Variants in ITPR1 observed in about 807,000 individuals in gnomAD.
ITPR1 encodes inositol 1,4,5-trisphosphate receptor type 1, also known as inositol 1,4,5-trisphosphate-gated calcium channel ITPR1.
A neutral mutation model predicts 318.4 loss-of-function variants in ITPR1; 96 were observed. The ratio of observed to expected loss-of-function variants is 0.30; its 90% CI spans 0.26 to 0.36. The LOEUF (loss-of-function observed/expected upper bound fraction) is 0.36. ITPR1 is among the 10% of genes least tolerant of loss of function. ITPR1 has a pLI of 1.00. For synonymous variants in ITPR1, 1,312 were observed against 1,289.9 expected (o/e 1.02, Z -0.37); for missense variants, 2,440 against 3,460.2 (o/e 0.71, Z 7.40).
chr3:4,757,353 A>C (rs2125357049), intron 44 of ITPR1, among the ~76,000 whole-genome samples: 1 of 152,318 alleles, frequency 6.6e-6, no homozygotes, highest in South Asian at 2.1e-4. Flanking sequence ...AACCCATATT[A>C]ACAAATGTAT....
At chr3:4,505,766 T>G (rs1376489568) in intron 2 of ITPR1, among the ~76,000 whole-genome samples, 1 of 152,212 alleles carries the variant, frequency 6.6e-6, no homozygotes, top group Non-Finnish European at 1.5e-5. Flanking sequence ...TGGCATTCAC[T>G]CCTCACCTGG....
At chr3:4,742,113 G>T (rs553394824) in intron 44 of ITPR1, among the ~76,000 whole-genome samples, 25 of 152,144 alleles carry the variant, frequency 1.6e-4, no homozygotes, top group Non-Finnish European at 3.1e-4. Context: ...TTGAGAAATG[G>T]TGGCGTAAAG....
intron 2 of ITPR1, among the ~76,000 whole-genome samples, chr3:4,500,871 T>C (rs2080968830): frequency 6.6e-6 from 1 of 152,160 alleles, no homozygotes; most frequent in African/African-American, 2.4e-5. Flanking sequence ...TTTTAGTTTT[T>C]GAAACAGGGT....
At chr3:4,696,203 A>G (rs2094555282) in intron 33 of ITPR1, among the ~76,000 whole-genome samples, 1 of 152,190 alleles carries the variant, frequency 6.6e-6, no homozygotes, top group Non-Finnish European at 1.5e-5. Context: ...AATCACCATC[A>G]CAATTTAGTT....
At chr3:4,517,187 T>G (rs1487901293) in intron 3 of ITPR1, among the ~76,000 whole-genome samples, 2 of 152,254 alleles carry the variant, frequency 1.3e-5, no homozygotes, top group African/African-American at 4.8e-5. Context: ...CTCATTTGAT[T>G]ATCTTCTCCC....
At chr3:4,526,100 A>G (rs1351826981) in intron 4 of ITPR1, among the ~76,000 whole-genome samples, 1 of 152,354 alleles carries the variant, frequency 6.6e-6, no homozygotes, top group African/African-American at 2.4e-5. Flanking sequence ...TTCTCTGTTC[A>G]CATCAAGAGG....
chr3:4,568,071 A>G (rs1189070510), intron 4 of ITPR1, among the ~76,000 whole-genome samples: 1 of 152,186 alleles, frequency 6.6e-6, no homozygotes. Context: ...GGGATGGGAG[A>G]GCCTGAAGGC....
At chr3:4,546,092 A>T (rs537598523) in intron 4 of ITPR1, among the ~76,000 whole-genome samples, 1 of 152,176 alleles carries the variant, frequency 6.6e-6, no homozygotes, top group African/African-American at 2.4e-5. Flanking sequence ...GAGATATGCA[A>T]TGCTCTTGAG....
At chr3:4,773,153 C>T (rs367783090) in intron 46 of ITPR1, among the ~76,000 whole-genome samples, 1 of 152,194 alleles carries the variant, frequency 6.6e-6, no homozygotes, top group Non-Finnish European at 1.5e-5. Flanking sequence ...TGCGATGCTC[C>T]CATCTCACTG....
chr3:4,494,991 A>C (rs1378982697), intron 2 of ITPR1, among the ~76,000 whole-genome samples: 1 of 152,198 alleles, frequency 6.6e-6, no homozygotes, highest in African/African-American at 2.4e-5. Context: ...AGAACTTTAA[A>C]AAGGGAAGTG....
At chr3:4,647,935 T>G (rs1233045317) in intron 10 of ITPR1, among the ~76,000 whole-genome samples, 1 of 152,040 alleles carries the variant, frequency 6.6e-6, no homozygotes, top group Non-Finnish European at 1.5e-5. Context: ...GTGGATCACC[T>G]GAGGTCGGGA....
rs574865294 is a variant in ITPR1 at position 4,630,150 on chromosome 3, T to C, written c.279+2272T>C. ...AAATTGAATACTCTTCTTAAGTCAATGCTCAGGGATGACTGCTCTGGAAGG... is the reference window on the plus strand; with the variant it reads ...AAATTGAATACTCTTCTTAAGTCAACGCTCAGGGATGACTGCTCTGGAAGG... On this transcript the variant is annotated intron_variant, in intron 5 of 61. Transcript: ENST00000649015. 7.9e-5 allele frequency among the ~76,000 whole-genome samples: 12 copies of C among 152,298 alleles called. No individual in the cohort carries two copies. The South Asian group carries it at 1.9e-3, about 24-fold the overall frequency.
At chr3:4,711,127 C>A (rs2041326876) in intron 38 of ITPR1, among the ~76,000 whole-genome samples, 1 of 144,814 alleles carries the variant, frequency 6.9e-6, no homozygotes, top group African/African-American at 2.6e-5. Context: ...AGGGGAATCA[C>A]TTGAACCCAG....
chr3:4,751,275 C>T (rs556774040), intron 44 of ITPR1: 1 of 152,540 alleles, frequency 6.6e-6, no homozygotes, highest in Admixed American at 6.5e-5. Context: ...GTTGAAATGA[C>T]TCAGCTTGCA....
At chr3:4,748,861 C>T (rs1177750636) in intron 44 of ITPR1, among the ~76,000 whole-genome samples, 1 of 152,184 alleles carries the variant, frequency 6.6e-6, no homozygotes, top group Non-Finnish European at 1.5e-5. Context: ...ACATTTGTTA[C>T]CTGGCAACAT....
intron 60 of ITPR1, 26 bp from the exon 61 acceptor site, chr3:4,836,735 CTTTTTTTTTTTTT>C (rs201029025): frequency 2.2e-4 from 231 of 1,069,578 alleles, no homozygotes; most frequent in South Asian, 1.1e-3. Flanking sequence ...GTGACTCAGT[CTTTTTTTTTTTTT>C]TTTTTTTTTT....
chr3:4,523,427 A>ATT (rs2082719032), intron 4 of ITPR1, among the ~76,000 whole-genome samples: 1 of 51,658 alleles, frequency 1.9e-5, no homozygotes, highest in South Asian at 1.4e-3. Context: ...TCACATGCTT[A>ATT]TTATTTTTTT....
chr3:4,697,057 T>A, intron 33 of ITPR1, 90 bp from the exon 34 acceptor site: 2 of 1,198,414 alleles, frequency 1.7e-6, no homozygotes, highest in Non-Finnish European at 1.2e-6. Context: ...GATGACCATT[T>A]TCATCGGTCC....
At chr3:4,605,093 T>G (rs1459164889) in intron 4 of ITPR1, among the ~76,000 whole-genome samples, 1 of 151,946 alleles carries the variant, frequency 6.6e-6, no homozygotes, top group Non-Finnish European at 1.5e-5. Context: ...TGTCTCAGCC[T>G]CCCTGGTAGC....
Sources: allele counts gnomAD v4.1 joint callset (sites outside exome capture counted in the v4.1 genomes callset), GRCh38; gene constraint gnomAD v4.1.1; transcripts MANE v1.5; gene names NCBI Gene and HGNC (gene_info 2026-07-23, HGNC 2026-07-21).